Variants in TSNARE1 observed in about 807,000 individuals in gnomAD.
TSNARE1 encodes the protein t-SNARE domain-containing protein 1.
A neutral mutation model predicts 62.0 loss-of-function variants in TSNARE1; 49 were observed. That is an observed-to-expected ratio of 0.79 (90% CI 0.63 to 1.00). The LOEUF (loss-of-function observed/expected upper bound fraction) is 1.00. TSNARE1 is among the 50% of genes least tolerant of loss of function. TSNARE1 has a pLI of 0.00. For missense variants in TSNARE1, 755 were observed against 700.1 expected, an observed-to-expected ratio of 1.08 and a Z score of -0.88; for synonymous variants, 328 against 294.4, an observed-to-expected ratio of 1.11 and a Z score of -1.17.
chr8:142,278,420 G>C, intron 11 of TSNARE1: 1 of 985,458 alleles, frequency 1.0e-6, no homozygotes, highest in African/African-American at 1.7e-5. Context: ...CAAGGAGCTG[G>C]TCCTGCTTCC....
chr8:142,344,115 A>C lies in TSNARE1; in HGVS notation c.596T>G (p.Leu199Arg). The C allele has an allele frequency of 6.2e-7, 1 of 1,611,822 alleles. No individual in the cohort carries two copies. The highest frequency in any genetic ancestry group is 8.5e-7 in the Non-Finnish European group (1 of 1,179,116). ...RDLRAVVRRK[L>R]GDLRKAAHGP... ...ATGGGCCGCCTTCCGGAGGTCGCCCAGCTTGCGCCGCACGACGGCTCGTAG... is the reference window on the plus strand; with the variant it reads ...ATGGGCCGCCTTCCGGAGGTCGCCCCGCTTGCGCCGCACGACGGCTCGTAG... Residue 199 changes from leucine to arginine, a missense_variant, in exon 4 of 14, where the codon CTG becomes CGG. Coordinates refer to ENST00000524325, the MANE Select transcript of TSNARE1 (RefSeq NM_145003.5).
intron 12 of TSNARE1, among the ~76,000 whole-genome samples, chr8:142,268,011 C>G (rs1025929905): frequency 5.3e-5 from 8 of 152,234 alleles, no homozygotes; most frequent in African/African-American, 1.9e-4. Flanking sequence ...CCTCAGGCCA[C>G]CCCTGGCCCA....
intron 1 of TSNARE1, among the ~76,000 whole-genome samples, chr8:142,381,977 C>T (rs1050850961): frequency 1.3e-5 from 2 of 152,146 alleles, no homozygotes; most frequent in Non-Finnish European, 2.9e-5. Context: ...CAGGCCGCCA[C>T]CTCCTCCTCT....
intron 12 of TSNARE1, chr8:142,270,811 C>A: frequency 2.0e-6 from 2 of 985,456 alleles, no homozygotes; most frequent in Non-Finnish European, 2.4e-6. Flanking sequence ...GAGCCTCCAA[C>A]AGCATCATCC....
At position 142,318,546 on chromosome 8, in the gene TSNARE1, GGCAGGAGCTGC is replaced by G; in HGVS notation, c.971_981del (p.Arg324ProfsTer49). The G allele has an allele frequency of 6.2e-7, 1 of 1,612,520 alleles. No homozygotes were observed. The highest frequency in any genetic ancestry group is 8.5e-7 in the Non-Finnish European group (1 of 1,179,946). ...AGCCCCAGACCCCAGGAACATACCG[GGCAGGAGCTGC>G]GCAGCAGCTCGGCCATCTGCTTCAC... On this transcript the variant is annotated frameshift_variant, in exon 7 of 14. Coordinates refer to ENST00000524325, the MANE Select transcript of TSNARE1 (RefSeq NM_145003.5). LOFTEE classifies it high-confidence loss of function.
chr8:142,339,384 G>A (rs1347280884), intron 4 of TSNARE1, among the ~76,000 whole-genome samples: 1 of 152,098 alleles, frequency 6.6e-6, no homozygotes, highest in African/African-American at 2.4e-5. Flanking sequence ...GTCTCTGCAG[G>A]CCAGGGAGAA....
intron 12 of TSNARE1, among the ~76,000 whole-genome samples, chr8:142,233,741 A>G (rs919491201): frequency 1.3e-5 from 2 of 152,130 alleles, no homozygotes; most frequent in South Asian, 2.1e-4. Context: ...TGCTCCCTGC[A>G]GGGCGTACGC....
At chr8:142,362,410 T>C (rs1835232256) in intron 1 of TSNARE1, among the ~76,000 whole-genome samples, 2 of 152,194 alleles carry the variant, frequency 1.3e-5, no homozygotes, top group Non-Finnish European at 2.9e-5. Context: ...GTATAATCCC[T>C]AAAAGCATTC....
chr8:142,400,345 C>CT (rs1448942775), intron 1 of TSNARE1, among the ~76,000 whole-genome samples: 3 of 152,066 alleles, frequency 2.0e-5, no homozygotes, highest in African/African-American at 7.2e-5. Flanking sequence ...ACTCGGAAGG[C>CT]TGAGGCAGGA....
At chr8:142,280,244 G>A (rs533775591) in intron 11 of TSNARE1, 1 of 985,390 alleles carries the variant, frequency 1.0e-6, no homozygotes, top group African/African-American at 1.7e-5. Context: ...GTGGAGCCCG[G>A]CCCGGCACCC....
At chr8:142,311,431 G>A (rs1235984691) in intron 9 of TSNARE1, among the ~76,000 whole-genome samples, 4 of 151,278 alleles carry the variant, frequency 2.6e-5, no homozygotes, top group Non-Finnish European at 5.9e-5. Flanking sequence ...CCGAGTAGGT[G>A]GAATTACAGG....
At chr8:142,344,604 C>A in intron 3 of TSNARE1, 132 bp from the exon 4 acceptor site, 1 of 978,212 alleles carries the variant, frequency 1.0e-6, no homozygotes, top group Non-Finnish European at 1.4e-6. Flanking sequence ...TGGCCACCAC[C>A]CCTCCCTGCT....
intron 1 of TSNARE1, among the ~76,000 whole-genome samples, chr8:142,383,966 G>C (rs1434207187): frequency 6.6e-6 from 1 of 152,200 alleles, no homozygotes; most frequent in African/African-American, 2.4e-5. Flanking sequence ...GGCAGGCAGG[G>C]CCCACACAGG....
At chr8:142,256,649 T>C (rs1818600761) in intron 12 of TSNARE1, among the ~76,000 whole-genome samples, 1 of 150,824 alleles carries the variant, frequency 6.6e-6, no homozygotes, top group Non-Finnish European at 1.5e-5. Flanking sequence ...CAGAAGTAAC[T>C]GTGCCACATG....
intron 10 of TSNARE1, among the ~76,000 whole-genome samples, chr8:142,286,470 C>T (rs779338670): frequency 4.3e-4 from 65 of 152,212 alleles, no homozygotes; most frequent in Non-Finnish European, 7.3e-4. Context: ...CAGAGGCAGG[C>T]GGTCCCTCTG....
intron 12 of TSNARE1, among the ~76,000 whole-genome samples, chr8:142,260,265 C>T (rs999002244): frequency 6.6e-6 from 1 of 152,126 alleles, no homozygotes; most frequent in African/African-American, 2.4e-5. Flanking sequence ...GATTTCAGCA[C>T]AACTAGCTCA....
chr8:142,276,434 C>A, intron 11 of TSNARE1: 5 of 985,476 alleles, frequency 5.1e-6, no homozygotes, highest in South Asian at 4.7e-5. Flanking sequence ...TGGGCCCGGG[C>A]AATGCCCCGC....
intron 1 of TSNARE1, among the ~76,000 whole-genome samples, chr8:142,362,051 G>T (rs1346113998): frequency 6.6e-6 from 1 of 152,262 alleles, no homozygotes; most frequent in East Asian, 1.9e-4. Context: ...CTTGCTGTCA[G>T]CAGGGCAGCT....
chr8:142,330,880 T>C (rs565594649), intron 6 of TSNARE1, 21 bp downstream of exon 6: 7 of 1,613,466 alleles, frequency 4.3e-6, no homozygotes, highest in African/African-American at 1.3e-5. Flanking sequence ...GGCAAAGAGA[T>C]ACCATGGCCC....
Sources: gnomAD v4.1 joint callset for allele counts (sites outside exome capture counted in the v4.1 genomes callset) on GRCh38, gnomAD v4.1.1 for gene constraint, MANE v1.5 for transcripts, NCBI Gene and HGNC (gene_info 2026-07-23, HGNC 2026-07-21) for gene names.